AS3MT: variants seen among roughly 807,000 people sequenced by gnomAD.
The protein encoded by AS3MT is S-adenosyl-L-methionine:arsenic(III) methyltransferase.
Under a neutral mutation model 45.3 loss-of-function variants are expected in AS3MT, and 47 were observed. The observed-to-expected ratio is 1.04, with a 90% CI of 0.82 to 1.32. The LOEUF is 1.32. Ranked by LOEUF, AS3MT falls within the 40% of genes most tolerant of loss-of-function variation. The pLI, the probability that AS3MT is intolerant of heterozygous loss-of-function variation, is 0.00. For synonymous variants in AS3MT, 141 were observed against 152.8 expected (o/e 0.92, Z 0.57); for missense variants, 396 against 451.1 (o/e 0.88, Z 1.11).
rs1223742753 is a variant in AS3MT at position 102,870,021 on chromosome 10, C to G, written c.43-63C>G. 6 of 1,580,650 alleles carry G rather than the reference C, an allele frequency of 3.8e-6. 1 individual carries two copies. The Admixed American group carries it at 1.0e-4, about 27-fold the overall frequency. On this transcript the variant is annotated intron_variant, in intron 2 of 10. Transcript: ENST00000369880. ...GAGGTGGAGGTGGTGACGGAGCCCT[C>G]GCGCTGCAGTCACAGCTCTTCTCCC...
chr10:102,872,331 A>G, intron 3 of AS3MT, 117 bp from the exon 4 acceptor site: 1 of 1,111,010 alleles, frequency 9.0e-7, no homozygotes, highest in Admixed American at 2.3e-5. Flanking sequence ...ATGATGCAAG[A>G]AAGAAGGAAG....
Position 102,901,403 on chromosome 10 carries a change from C to CAGGA in AS3MT, c.*704_*707dup, listed in dbSNP as rs949867589. ...AGAGACGGGGTTTCACCATGTTAGC[C>CAGGA]AGGATGGTCTTGATCTCCTGACCTC... On this transcript the variant is annotated 3_prime_UTR_variant, in exon 11 of 11. Coordinates refer to ENST00000369880, the MANE Select transcript of AS3MT (RefSeq NM_020682.4). 6.6e-5 allele frequency: 10 copies of CAGGA among 152,048 alleles called. No homozygotes were observed. Among genetic ancestry groups the CAGGA allele is most frequent in the Admixed American group, 2.6e-4 (4 of 15,246 alleles). 9.4% of individuals were successfully genotyped at this position (152,048 alleles called of 1,614,324 possible). A position where few individuals can be genotyped will look rare whatever the true frequency, so the allele number is the denominator to read the frequency against.
intron 9 of AS3MT, among the ~76,000 whole-genome samples, chr10:102,888,879 A>ATTTTTTTTTT (rs1476114789): frequency 6.9e-4 from 31 of 45,202 alleles, no homozygotes; most frequent in South Asian, 1.1e-3. Context: ...ATATATATAT[A>ATTTTTTTTTT]TATTTTTTTT....
At chr10:102,874,458 G>C (rs1844749458) in intron 5 of AS3MT, 134 bp from the exon 6 acceptor site, 2 of 634,112 alleles carry the variant, frequency 3.2e-6, no homozygotes, top group Admixed American at 5.0e-5. Flanking sequence ...GAAGGCATTA[G>C]AAAGAGAGGA....
chr10:102,891,978 A>T (rs1356132933), intron 10 of AS3MT, among the ~76,000 whole-genome samples: 1 of 150,084 alleles, frequency 6.7e-6, no homozygotes, highest in African/African-American at 2.4e-5. Flanking sequence ...AAAAAAAGAA[A>T]GAAGGCTAGA....
At chr10:102,889,589 C>G (rs1441240709) in intron 9 of AS3MT, among the ~76,000 whole-genome samples, 1 of 140,416 alleles carries the variant, frequency 7.1e-6, no homozygotes, top group African/African-American at 2.6e-5. Flanking sequence ...ATTTCATTCC[C>G]TTCCCTTCCC....
At chr10:102,880,441 A>G (rs534915738) in intron 9 of AS3MT, among the ~76,000 whole-genome samples, 36 of 152,286 alleles carry the variant, frequency 2.4e-4, no homozygotes, top group African/African-American at 8.2e-4. Flanking sequence ...CTATCATACC[A>G]TGATTTAGAT....
Position 102,870,105 on chromosome 10 carries a change from A to G in AS3MT, c.64A>G (p.Lys22Glu). The change falls in exon 3 of 11, where the codon AAG (lysine) becomes GAG (glutamate). Residue 22 changes from lysine to glutamate, a missense_variant. Physicochemically the swap from Lys to Glu is moderately conservative, Grantham distance 56. Transcript: ENST00000369880. ...TCAGACCTACTACGGGCAGGTGCTG[A>G]AGAGATCGGCAGACCTCCAGACCAA... ...DVQTYYGQVL[K>E]RSADLQTNGC... The G allele has an allele frequency of 3.7e-6, 6 of 1,614,082 alleles. No individual in the cohort carries two copies. The highest frequency in any genetic ancestry group is 4.2e-6 in the Non-Finnish European group (5 of 1,180,024).
intron 10 of AS3MT, 47 bp from the exon 11 acceptor site, chr10:102,900,546 C>A (rs1270089633): frequency 7.1e-7 from 1 of 1,406,140 alleles, no homozygotes; most frequent in Admixed American, 1.7e-5. Flanking sequence ...TTGGGTACAT[C>A]AAAACACCTT....
intron 9 of AS3MT, among the ~76,000 whole-genome samples, chr10:102,879,289 G>A (rs1201375546): frequency 1.3e-5 from 2 of 152,048 alleles, no homozygotes; most frequent in Non-Finnish European, 2.9e-5. Context: ...CTTCTGAGTA[G>A]CTAGGACTAC....
At position 102,873,219 on chromosome 10, in the gene AS3MT, C is replaced by A. The variant is rs1844722785; in HGVS notation, c.444C>A (p.Ser148Arg). ...KLGEAGIKNE[S>R]HDIVVSNCVI... ...GAGAGGCTGGAATCAAGAATGAGAG[C>A]CATGATATTGTTGTGTAGGTCTATA... is the stretch of plus-strand genomic sequence containing the variant. Residue 148 changes from serine (S) to arginine (R), a missense_variant, in exon 5 of 11, where the codon AGC (serine) becomes AGA (arginine). Physicochemically the swap from Ser to Arg is moderately radical, Grantham distance 110 (BLOSUM62 -1). Transcript: ENST00000369880. 3 of 1,604,332 alleles carry A rather than the reference C, an allele frequency of 1.9e-6. No homozygotes were observed. Among genetic ancestry groups the A allele is most frequent in the African/African-American group, 2.7e-5 (2 of 74,226 alleles).
At chr10:102,887,573 T>C (rs1489887931) in intron 9 of AS3MT, among the ~76,000 whole-genome samples, 1 of 152,196 alleles carries the variant, frequency 6.6e-6, no homozygotes, top group Non-Finnish European at 1.5e-5. Context: ...GTAACCTTCT[T>C]TGCCTCTTTG....
At chr10:102,891,964 A>G (rs1365880410) in intron 10 of AS3MT, among the ~76,000 whole-genome samples, 5 of 150,898 alleles carry the variant, frequency 3.3e-5, no homozygotes, top group Non-Finnish European at 4.4e-5. Context: ...AAAAAAAAAA[A>G]AAAAAAAAAA....
intron 6 of AS3MT, among the ~76,000 whole-genome samples, chr10:102,875,804 G>A (rs2134113169): frequency 6.6e-6 from 1 of 151,702 alleles, no homozygotes. Flanking sequence ...TGTACTTTTA[G>A]TAGAGACAAG....
Position 102,889,655 on chromosome 10 carries a change from C to T in AS3MT, c.886-889C>T, listed in dbSNP as rs150630324. The stretch of plus-strand genomic sequence containing the variant: ...TCCTTCCTTCCTTCCTTTCTTCCTT[C>T]CTTCCTTCCCTTCCTCCCTCCACCC... On this transcript the variant is annotated intron_variant, in intron 9 of 10. Transcript: ENST00000369880. Among the ~76,000 whole-genome samples the T allele has an allele frequency of 3.6e-4, 45 of 124,006 alleles. 1 individual carries two copies. The East Asian group carries it at 0.01, about 28-fold the overall frequency. The allele number at this position is 124,006 out of a possible 152,430, so 81.4% of individuals were successfully genotyped here. A position where few individuals can be genotyped will look rare whatever the true frequency, so the allele number is the denominator to read the frequency against.
intron 3 of AS3MT, among the ~76,000 whole-genome samples, chr10:102,872,228 C>T (rs892243370): frequency 3.3e-5 from 5 of 152,178 alleles, no homozygotes; most frequent in Admixed American, 2.6e-4. Context: ...TAGTGCCTAG[C>T]ACATGCCCAA....
At position 102,872,466 on chromosome 10, in the gene AS3MT, G is replaced by A; in HGVS notation, c.189G>A (p.Leu63=). 1 of 1,614,020 alleles carries A rather than the reference G, an allele frequency of 6.2e-7. No individual in the cohort carries two copies. Among genetic ancestry groups the A allele is most frequent in the Non-Finnish European group, 8.5e-7 (1 of 1,179,960 alleles). Residue 63 remains leucine (L), a synonymous_variant, in exon 4 of 11, where the codon CTG becomes CTA. Transcript: ENST00000369880. ...TTCCCAGATATTATGGCTGTGGTCTGGTGATCCCTGAGCATCTAGAAAACT... is the reference window on the plus strand; with the variant it reads ...TTCCCAGATATTATGGCTGTGGTCTAGTGATCCCTGAGCATCTAGAAAACT... ...EVALRYYGCG[L]VIPEHLENCW...
chr10:102,870,028 C>T (rs1286152493), intron 2 of AS3MT, 56 bp from the exon 3 acceptor site: 3 of 1,576,332 alleles, frequency 1.9e-6, no homozygotes, highest in Admixed American at 1.8e-5. Flanking sequence ...CCTCGCGCTG[C>T]AGTCACAGCT....
chr10:102,883,089 T>C (rs1209408186), intron 9 of AS3MT, among the ~76,000 whole-genome samples: 1 of 148,402 alleles, frequency 6.7e-6, no homozygotes, highest in Non-Finnish European at 1.5e-5. Context: ...AAATGTTTTA[T>C]ATATATATAT....
Sources: gnomAD v4.1 joint callset for allele counts (sites outside exome capture counted in the v4.1 genomes callset) on GRCh38, gnomAD v4.1.1 for gene constraint, MANE v1.5 for transcripts, NCBI Gene and HGNC (gene_info 2026-07-23, HGNC 2026-07-21) for gene names.